SSX2IP: variants seen among roughly 807,000 people sequenced by gnomAD.
SSX2IP encodes afadin- and alpha-actinin-binding protein.
Under a neutral mutation model 84.9 loss-of-function variants are expected in SSX2IP, and 55 were observed. The observed-to-expected ratio is 0.65, with a 90% confidence interval of 0.52 to 0.81. The LOEUF is 0.81. SSX2IP is among the 30% of genes least tolerant of loss of function. The probability of loss-of-function intolerance (pLI) is 0.00; values close to 1 mark genes in which losing one functional copy is unlikely to be tolerated. For missense variants in SSX2IP, 664 were observed against 705.2 expected, an observed-to-expected ratio of 0.94 and a Z score of 0.66; for synonymous variants, 239 against 234.7, an observed-to-expected ratio of 1.02 and a Z score of -0.17.
intron 3 of SSX2IP, chr1:84,670,422 A>C: frequency 3.3e-6 from 1 of 302,000 alleles, no homozygotes; most frequent in Non-Finnish European, 6.1e-6. Flanking sequence ...CTGGACTCTC[A>C]GTGGAGGAGC....
chr1:84,687,133 G>A (rs574681974), intron 1 of SSX2IP, among the ~76,000 whole-genome samples: 3 of 152,182 alleles, frequency 2.0e-5, no homozygotes, highest in African/African-American at 7.2e-5. Flanking sequence ...ACACCCCTAC[G>A]AAGCAGGTAT....
chr1:84,647,639 C>T (rs1649631415), intron 13 of SSX2IP, 32 bp from the exon 14 acceptor site: 1 of 1,452,976 alleles, frequency 6.9e-7, no homozygotes, highest in Middle Eastern at 1.8e-4. Flanking sequence ...ATCTTAGTGA[C>T]TATCCTCTCC....
At position 84,669,552 on chromosome 1, in the gene SSX2IP, T is replaced by C. The variant is rs147532720; in HGVS notation, c.426+129A>G. 179 of 715,940 alleles carry C rather than the reference T, an allele frequency of 2.5e-4. 1 individual carries two copies. The African/African-American group carries it at 2.9e-3, about 12-fold the overall frequency. The allele number at this position is 715,940 out of a possible 1,614,324, so 44.3% of individuals were successfully genotyped here. On this transcript the variant is annotated intron_variant, in intron 4 of 13. Transcript: ENST00000342203. ...GATGTGTGTAAATTATAAGTTCACT[T>C]TTACTTACCTGTTTAAAAAGAAAAC...
chr1:84,664,239 C>T (rs902088716), intron 6 of SSX2IP, among the ~76,000 whole-genome samples, 178 bp downstream of exon 6: 2 of 152,150 alleles, frequency 1.3e-5, no homozygotes, highest in Admixed American at 1.3e-4. Context: ...GGCAGAATGA[C>T]TTACTTTCCA....
chr1:84,658,438 C>T lies in SSX2IP; in HGVS notation c.958G>A (p.Glu320Lys). 6.2e-7 allele frequency: 1 copy of T among 1,614,056 alleles called. No homozygotes were observed. ...TCCCACATACTCTCTCTGCTTAGTT[C>T]CCCGGCATCTTCTTCAACATCGGAA... ...VISDVEEDAG[E>K]LSRESMWDLS... The change falls in exon 9 of 14, where the codon GAA (glutamate) becomes AAA (lysine). Residue 320 changes from glutamate to lysine, a missense_variant. Coordinates refer to ENST00000342203, the MANE Select transcript of SSX2IP (RefSeq NM_001166293.2).
chr1:84,674,585 GAA>G (rs1557515369), intron 1 of SSX2IP, among the ~76,000 whole-genome samples: 1 of 152,098 alleles, frequency 6.6e-6, no homozygotes, highest in Non-Finnish European at 1.5e-5. Context: ...TCCTTATACA[GAA>G]AGAACACCAA....
At chr1:84,649,715 T>C in intron 13 of SSX2IP, 1 of 317,164 alleles carries the variant, frequency 3.2e-6, no homozygotes, top group South Asian at 2.8e-5. Context: ...AGGAATGTTC[T>C]ACCTGCTTCC....
chr1:84,649,488 T>G (rs1649915889), intron 13 of SSX2IP: 2 of 153,196 alleles, frequency 1.3e-5, no homozygotes, highest in South Asian at 4.1e-4. Flanking sequence ...GCTTCCTTTC[T>G]TGTTTTAAAC....
At chr1:84,650,339 A>G (rs1427555678) in intron 13 of SSX2IP, 23 bp downstream of exon 13, 1 of 1,614,018 alleles carries the variant, frequency 6.2e-7, no homozygotes, top group Non-Finnish European at 8.5e-7. Context: ...AAACACGTGA[A>G]AAGATCACCT....
intron 8 of SSX2IP, among the ~76,000 whole-genome samples, chr1:84,660,514 G>C (rs1651790155): frequency 6.6e-6 from 1 of 152,138 alleles, no homozygotes; most frequent in Admixed American, 6.5e-5. Flanking sequence ...CTACATATAA[G>C]AGGTCAAGCA....
At chr1:84,678,492 G>A (rs571842302) in intron 1 of SSX2IP, among the ~76,000 whole-genome samples, 4 of 152,248 alleles carry the variant, frequency 2.6e-5, no homozygotes, top group African/African-American at 7.2e-5. Flanking sequence ...TTATTGGTTT[G>A]TTTCATCTTT....
intron 1 of SSX2IP, among the ~76,000 whole-genome samples, chr1:84,674,678 T>G (rs541687157): frequency 1.3e-5 from 2 of 152,218 alleles, no homozygotes; most frequent in Non-Finnish European, 2.9e-5. Context: ...GTCTATAGAT[T>G]AGACAGTGAA....
intron 12 of SSX2IP, among the ~76,000 whole-genome samples, chr1:84,651,222 C>T (rs536492765): frequency 1.2e-4 from 19 of 152,138 alleles, no homozygotes; most frequent in African/African-American, 4.6e-4. Context: ...GAGGCTGAGG[C>T]AAGGAGGATT....
chr1:84,683,793 A>G (rs1032510915), intron 1 of SSX2IP, among the ~76,000 whole-genome samples: 1 of 152,228 alleles, frequency 6.6e-6, no homozygotes, highest in Non-Finnish European at 1.5e-5. Flanking sequence ...GATTGGTAAC[A>G]GCTCAGAGAA....
chr1:84,658,782 A>G (rs906667141), intron 8 of SSX2IP, among the ~76,000 whole-genome samples: 1 of 152,228 alleles, frequency 6.6e-6, no homozygotes, highest in Admixed American at 6.5e-5. Flanking sequence ...TCAGCTCATT[A>G]CAATGTGGGA....
At chr1:84,652,616 G>C (rs979504911) in intron 11 of SSX2IP, among the ~76,000 whole-genome samples, 5 of 151,998 alleles carry the variant, frequency 3.3e-5, no homozygotes, top group African/African-American at 1.2e-4. Flanking sequence ...TGTAGTCCCA[G>C]CTACTCAGGA....
intron 11 of SSX2IP, among the ~76,000 whole-genome samples, chr1:84,654,401 C>A: frequency 6.6e-6 from 1 of 152,024 alleles, no homozygotes; most frequent in African/African-American, 2.4e-5. Flanking sequence ...AAACTGGAAT[C>A]TAAATTCTAT....
intron 11 of SSX2IP, among the ~76,000 whole-genome samples, chr1:84,653,592 G>C (rs1241184372): frequency 6.6e-6 from 1 of 152,180 alleles, no homozygotes; most frequent in South Asian, 2.1e-4. Context: ...GGGAATAAGG[G>C]CTTGGAAACA....
chr1:84,679,563 C>T (rs1363040475), intron 1 of SSX2IP, among the ~76,000 whole-genome samples: 2 of 152,072 alleles, frequency 1.3e-5, no homozygotes, highest in Non-Finnish European at 2.9e-5. Flanking sequence ...CCTCAGAGGC[C>T]CGGGTCAACA....
Sources: allele counts gnomAD v4.1 joint callset (sites outside exome capture counted in the v4.1 genomes callset), GRCh38; gene constraint gnomAD v4.1.1; transcripts MANE v1.5; gene names NCBI Gene and HGNC (gene_info 2026-07-23, HGNC 2026-07-21).